SYNE2: variants seen among roughly 807,000 people sequenced by gnomAD.
SYNE2 encodes nesprin-2.
SYNE2 carries 431 observed loss-of-function variants against 856.3 expected under a neutral mutation model. The ratio of observed to expected loss-of-function variants is 0.50; its 90% CI spans 0.47 to 0.55. The LOEUF (loss-of-function observed/expected upper bound fraction) is 0.55. SYNE2 is among the 20% of genes least tolerant of loss of function. SYNE2 has a pLI of 0.00. For synonymous variants in SYNE2, 2,923 were observed against 2,872.3 expected (o/e 1.02, Z -0.56); for missense variants, 8,129 against 8,023.2 (o/e 1.01, Z -0.50).
intron 1 of SYNE2, among the ~76,000 whole-genome samples, chr14:63,862,901 G>C (rs1034895295): frequency 6.6e-6 from 1 of 151,880 alleles, no homozygotes; most frequent in Non-Finnish European, 1.5e-5. Flanking sequence ...GGGTTCAAGT[G>C]ATTCTACTGC....
At chr14:64,068,271 T>C (rs1225348355) in intron 51 of SYNE2, among the ~76,000 whole-genome samples, 2 of 152,174 alleles carry the variant, frequency 1.3e-5, no homozygotes, top group Non-Finnish European at 2.9e-5. Flanking sequence ...TTTCCCTCGT[T>C]CCTCTTTGTG....
At chr14:63,936,601 A>G (rs1211803038) in intron 2 of SYNE2, among the ~76,000 whole-genome samples, 1 of 152,184 alleles carries the variant, frequency 6.6e-6, no homozygotes, top group Non-Finnish European at 1.5e-5. Flanking sequence ...TGAGGAATAC[A>G]GGAGGCCAGA....
chr14:63,975,015 A>G (rs1458835604), intron 11 of SYNE2, among the ~76,000 whole-genome samples: 2 of 149,106 alleles, frequency 1.3e-5, no homozygotes, highest in Non-Finnish European at 3.0e-5. Context: ...CTGTGACGTC[A>G]CTTAACACAC....
intron 2 of SYNE2, among the ~76,000 whole-genome samples, chr14:63,938,291 C>CA (rs1190559864): frequency 6.6e-6 from 1 of 151,950 alleles, no homozygotes; most frequent in Non-Finnish European, 1.5e-5. Flanking sequence ...CCCATCTCTA[C>CA]AAAAAATTTA....
intron 96 of SYNE2, among the ~76,000 whole-genome samples, chr14:64,180,816 A>G (rs2098454408): frequency 6.6e-6 from 1 of 152,090 alleles, no homozygotes; most frequent in South Asian, 2.1e-4. Context: ...TTCTTGTTAT[A>G]ATTTTCCTAA....
chr14:64,174,972 G>A lies in SYNE2; in HGVS notation c.17264G>A (p.Arg5755Gln), dbSNP rs368893421. The change falls in exon 95 of 116, where the codon CGA becomes CAA. Residue 5755 changes from arginine to glutamine, a missense_variant. Coordinates refer to ENST00000555002, the MANE Select transcript of SYNE2 (RefSeq NM_182914.3). ...AAAGAAATTCATTTTCAAAGGAGGC[G>A]AACTACCTGTGCCCTAACCTTGGAA... ...KNKEIHFQRR[R>Q]TTCALTLEAG... 2.2e-5 allele frequency: 36 copies of A among 1,613,792 alleles called. No homozygotes were observed. Among genetic ancestry groups the A allele is most frequent in the African/African-American group, 2.7e-5 (2 of 74,848 alleles).
chr14:64,037,922 G>A (rs1049460628), intron 45 of SYNE2, among the ~76,000 whole-genome samples: 1 of 151,646 alleles, frequency 6.6e-6, no homozygotes, highest in Non-Finnish European at 1.5e-5. Flanking sequence ...CGGACCGGGC[G>A]GCTGGCCGGG....
At chr14:64,215,929 C>G (rs2098664339) in intron 107 of SYNE2, 1 of 1,310,742 alleles carries the variant, frequency 7.6e-7, no homozygotes. Flanking sequence ...TCCTGAGAGG[C>G]CTTCTGCCAT....
upstream of SYNE2, among the ~76,000 whole-genome samples, chr14:63,851,258 A>G (rs191586963): frequency 4.6e-5 from 7 of 152,260 alleles, no homozygotes; most frequent in African/African-American, 1.4e-4. Flanking sequence ...CTACTTGGGA[A>G]GGTGAGGCAG....
At chr14:63,903,547 T>G (rs976646154) in intron 1 of SYNE2, among the ~76,000 whole-genome samples, 2 of 152,142 alleles carry the variant, frequency 1.3e-5, no homozygotes, top group Non-Finnish European at 2.9e-5. Context: ...CAGGCTTGCC[T>G]CAAACTTCTG....
At chr14:64,186,116 C>G (rs929695074) in intron 96 of SYNE2, among the ~76,000 whole-genome samples, 1 of 151,940 alleles carries the variant, frequency 6.6e-6, no homozygotes, top group Non-Finnish European at 1.5e-5. Context: ...TTATTAGACT[C>G]CAAATACACT....
intron 2 of SYNE2, among the ~76,000 whole-genome samples, chr14:63,931,865 C>T (rs1026315301): frequency 6.6e-6 from 1 of 152,166 alleles, no homozygotes; most frequent in Admixed American, 6.6e-5. Flanking sequence ...TCCACTGATC[C>T]TCCCACTTCA....
chr14:63,997,231 G>A (rs140562878), intron 24 of SYNE2, 70 bp from the exon 25 acceptor site: 56 of 1,580,194 alleles, frequency 3.5e-5, no homozygotes, highest in African/African-American at 2.3e-4. Context: ...GACATTAAGC[G>A]TTAGTCATGC....
intron 99 of SYNE2, chr14:64,202,360 C>T: frequency 1.4e-6 from 1 of 697,338 alleles, no homozygotes; most frequent in Non-Finnish European, 2.6e-6. Flanking sequence ...AGGCGTGTAA[C>T]ATCTTTAATC....
At chr14:63,825,534 C>G (rs8013634) in intron 1 of SYNE2, among the ~76,000 whole-genome samples, 61,562 of 151,952 alleles carry the variant, frequency 0.41, 14,424 homozygotes, top group South Asian at 0.55. Context: ...AATAGATTTA[C>G]TGAAAGAAGT....
Position 64,026,721 on chromosome 14 carries a change from C to T in SYNE2, c.6395C>T (p.Thr2132Ile). The T allele has an allele frequency of 6.2e-7, 1 of 1,608,446 alleles. No individual in the cohort carries two copies. Among genetic ancestry groups the T allele is most frequent in the Non-Finnish European group, 8.5e-7 (1 of 1,177,050 alleles). ...QWDNTLHLAS[T>I]YLSHQEKLLL... ...GACAACACACTCCATTTAGCTAGCA[C>T]CTACCTAAGGTAAAGGGCATGCCTG... The change falls in exon 42 of 116, where the codon ACC (threonine) becomes ATC (isoleucine). Residue 2132 changes from threonine to isoleucine, a missense_variant. Physicochemically the swap from Thr to Ile is moderately conservative, Grantham distance 89. Around this residue, in one of 3 missense-constraint regions of SYNE2, gnomAD observed 297 missense variants for 380.9 expected, o/e 0.78. Transcript: ENST00000555002.
chr14:63,942,756 A>G (rs746543422), intron 6 of SYNE2, among the ~76,000 whole-genome samples: 1 of 151,846 alleles, frequency 6.6e-6, no homozygotes, highest in Non-Finnish European at 1.5e-5. Context: ...CTGCCTCCCA[A>G]AGTGCTGAGA....
At chr14:63,853,601 C>T (rs988814941) in intron 1 of SYNE2, among the ~76,000 whole-genome samples, 14 of 151,648 alleles carry the variant, frequency 9.2e-5, no homozygotes, top group African/African-American at 2.9e-4. Context: ...TTTTGAACGC[C>T]GCGTGAGCTG....
intron 42 of SYNE2, among the ~76,000 whole-genome samples, chr14:64,027,086 G>A (rs2096986540): frequency 6.8e-6 from 1 of 147,110 alleles, no homozygotes; most frequent in South Asian, 2.2e-4. Context: ...TTTTATGTTT[G>A]AAGAGCCAAT....
Sources: allele counts gnomAD v4.1 joint callset (sites outside exome capture counted in the v4.1 genomes callset), GRCh38; gene constraint gnomAD v4.1.1; regional missense constraint gnomAD v4.1.1; transcripts MANE v1.5; gene names NCBI Gene and HGNC (gene_info 2026-07-23, HGNC 2026-07-21).